Variants in IL18 observed in about 807,000 individuals in gnomAD.
IL18 encodes interleukin 18.
IL18 carries 8 observed loss-of-function variants against 14.2 expected under a neutral mutation model. The ratio of observed to expected loss-of-function variants is 0.56; its 90% confidence interval spans 0.33 to 1.01. The LOEUF is 1.01. Among genes scored for constraint, IL18 ranks in the 50% least tolerant of loss-of-function variants. The probability of loss-of-function intolerance (pLI) is 0.03; values close to 1 mark genes in which losing one functional copy is unlikely to be tolerated. For missense variants in IL18, 166 were observed against 231.1 expected, an observed-to-expected ratio of 0.72 and a Z score of 1.83; for synonymous variants, 67 against 71.0, an observed-to-expected ratio of 0.94 and a Z score of 0.28.
At chr11:112,149,364 G>A (rs1056991703) in intron 4 of IL18, among the ~76,000 whole-genome samples, 5 of 151,850 alleles carry the variant, frequency 3.3e-5, no homozygotes, top group East Asian at 2.0e-4. Context: ...ACTTTTTTGA[G>A]TATTTTAAAG....
At chr11:112,158,762 A>G (rs146562321) in intron 1 of IL18, among the ~76,000 whole-genome samples, 3 of 152,220 alleles carry the variant, frequency 2.0e-5, no homozygotes, top group African/African-American at 7.2e-5. Flanking sequence ...ATTTGACCTG[A>G]CAGCTTTGAA....
intron 3 of IL18, among the ~76,000 whole-genome samples, chr11:112,151,628 C>G (rs537003463): frequency 6.6e-6 from 1 of 152,294 alleles, no homozygotes; most frequent in South Asian, 2.1e-4. Flanking sequence ...TGTATCATTT[C>G]TTCACTTTCC....
At chr11:112,153,523 A>G in intron 3 of IL18, 69 bp downstream of exon 3, 2 of 1,097,306 alleles carry the variant, frequency 1.8e-6, no homozygotes, top group South Asian at 1.8e-5. Context: ...TCAGCTGACA[A>G]TGGTGAGATA....
intron 3 of IL18, among the ~76,000 whole-genome samples, chr11:112,151,727 A>G (rs1231402175): frequency 6.6e-6 from 1 of 152,160 alleles, no homozygotes; most frequent in African/African-American, 2.4e-5. Flanking sequence ...CTTGTTGCTA[A>G]ATCTAAAAGC....
intron 3 of IL18, among the ~76,000 whole-genome samples, chr11:112,152,304 T>C (rs1004352718): frequency 6.6e-6 from 1 of 152,140 alleles, no homozygotes; most frequent in African/African-American, 2.4e-5. Flanking sequence ...TTCTCTCAAG[T>C]GTTTCTAAAA....
chr11:112,148,587 TA>T lies in IL18; in HGVS notation c.360+15del. On this transcript the variant is annotated intron_variant, in intron 5 of 5. Transcript: ENST00000280357. ...TATATTAACATGATTGAAAACAAAG[TA>T]AGGCTCAGTCTTACCTTAAAGGAAA... 7.3e-7 allele frequency: 1 copy of T among 1,368,228 alleles called. No individual in the cohort carries two copies. The highest frequency in any genetic ancestry group is 1.6e-5 in the South Asian group (1 of 64,156). 84.8% of individuals were successfully genotyped at this position (1,368,228 alleles called of 1,614,324 possible).
chr11:112,143,570 C>T lies in IL18; in HGVS notation c.*26G>A. ...GGGCTGGGATTACAGGCGTGAGCCACTGCGCCCGGCATGAAATTTTAATAG... is the reference window on the plus strand; with the variant it reads ...GGGCTGGGATTACAGGCGTGAGCCATTGCGCCCGGCATGAAATTTTAATAG... On this transcript the variant is annotated 3_prime_UTR_variant, in exon 6 of 6. Coordinates refer to ENST00000280357, the MANE Select transcript of IL18 (RefSeq NM_001562.4). 6.6e-7 allele frequency: 1 copy of T among 1,522,700 alleles called. No individual in the cohort carries two copies. Among genetic ancestry groups the T allele is most frequent in the Non-Finnish European group, 9.0e-7 (1 of 1,107,900 alleles). 94.3% of individuals were successfully genotyped at this position (1,522,700 alleles called of 1,614,324 possible).
chr11:112,157,209 T>C (rs1467829443), intron 1 of IL18, among the ~76,000 whole-genome samples: 1 of 152,228 alleles, frequency 6.6e-6, no homozygotes, highest in African/African-American at 2.4e-5. Flanking sequence ...TAGTTATCAG[T>C]TGGTGAAATA....
At chr11:112,150,479 A>C in intron 3 of IL18, 1 of 271,356 alleles carries the variant, frequency 3.7e-6, no homozygotes, top group Admixed American at 5.0e-5. Context: ...TTACACTTTT[A>C]CTCCAACTCT....
At chr11:112,157,653 G>C (rs1344311124) in intron 1 of IL18, among the ~76,000 whole-genome samples, 2 of 152,188 alleles carry the variant, frequency 1.3e-5, no homozygotes, top group Non-Finnish European at 2.9e-5. Flanking sequence ...GTGCTACCTT[G>C]AAAGAGAAGC....
intron 1 of IL18, among the ~76,000 whole-genome samples, chr11:112,155,368 A>AATATAAAT (rs1301994280): frequency 1.3e-5 from 2 of 152,234 alleles, no homozygotes; most frequent in Non-Finnish European, 2.9e-5. Flanking sequence ...ATATATTGTC[A>AATATAAAT]ATATAAATAT....
At chr11:112,146,503 T>A (rs1866345588) in intron 5 of IL18, among the ~76,000 whole-genome samples, 1 of 152,166 alleles carries the variant, frequency 6.6e-6, no homozygotes, top group Non-Finnish European at 1.5e-5. Context: ...GTATTTTTTT[T>A]AGTAGAGACA....
Position 112,150,056 on chromosome 11 carries a change from G to A in IL18, c.226+16C>T, listed in dbSNP as rs750565917. The stretch of plus-strand genomic sequence containing the variant: ...AGTAGCTAGTCATTTCTATGTTTGC[G>A]AATTAAAAAAAATACCTCTACAGTC... On this transcript the variant is annotated intron_variant, in intron 4 of 5. Transcript: ENST00000280357. 40 of 1,587,572 alleles carry A rather than the reference G, an allele frequency of 2.5e-5. No individual in the cohort carries two copies. The highest frequency in any genetic ancestry group is 1.7e-4 in the Middle Eastern group (1 of 5,930).
intron 1 of IL18, among the ~76,000 whole-genome samples, chr11:112,157,552 A>C (rs138023104): frequency 3.3e-5 from 5 of 152,316 alleles, no homozygotes; most frequent in Non-Finnish European, 7.3e-5. Context: ...TTACAAAATA[A>C]TGTAATGAAT....
rs1381138292 is a variant in IL18, at chr11:112,154,976, T to C, written c.78A>G (p.Ile26Met). The C allele has an allele frequency of 6.3e-7, 1 of 1,591,724 alleles. No homozygotes were observed. The highest frequency in any genetic ancestry group is 1.7e-5 in the Admixed American group (1 of 59,928). The change falls in exon 2 of 6, where the codon ATA becomes ATG. Residue 26 changes from isoleucine (I) to methionine (M), a missense_variant and splice_region_variant. Transcript: ENST00000280357. ...MKFIDNTLYF[I>M]AEDDENLESD... ...TTTGTTCTATGGCATTAGCCTTACCTATAAAGTAAAGCGTATTGTCAATAA... is the reference window on the plus strand; with the variant it reads ...TTTGTTCTATGGCATTAGCCTTACCCATAAAGTAAAGCGTATTGTCAATAA...
intron 5 of IL18, among the ~76,000 whole-genome samples, chr11:112,146,033 CT>C (rs10708869): frequency 0.82 from 108,113 of 131,204 alleles, 44,567 homozygotes; most frequent in South Asian, 0.88. Context: ...GGATTTCTTT[CT>C]TTTTTTTTTT....
chr11:112,146,522 C>T (rs1396633518), intron 5 of IL18, among the ~76,000 whole-genome samples: 1 of 152,088 alleles, frequency 6.6e-6, no homozygotes, highest in East Asian at 1.9e-4. Context: ...CAGAGTATCG[C>T]CATGCTGGCC....
At chr11:112,159,873 C>G (rs1192653442) in intron 1 of IL18, among the ~76,000 whole-genome samples, 1 of 152,068 alleles carries the variant, frequency 6.6e-6, no homozygotes, top group Non-Finnish European at 1.5e-5. Context: ...AAGACAGTGA[C>G]TACAAACTAT....
chr11:112,143,567 C>A lies in IL18; in HGVS notation c.*29G>T, dbSNP rs1429875609. The A allele has an allele frequency of 4.0e-6, 6 of 1,483,724 alleles. No homozygotes were observed. Among genetic ancestry groups the A allele is most frequent in the Non-Finnish European group, 5.6e-6 (6 of 1,074,256 alleles). The allele number at this position is 1,483,724 out of a possible 1,614,324, so 91.9% of individuals were successfully genotyped here. ...AAAGGGCTGGGATTACAGGCGTGAG[C>A]CACTGCGCCCGGCATGAAATTTTAA... On this transcript the variant is annotated 3_prime_UTR_variant, in exon 6 of 6. Coordinates refer to ENST00000280357, the MANE Select transcript of IL18 (RefSeq NM_001562.4).
Sources: allele counts gnomAD v4.1 joint callset (sites outside exome capture counted in the v4.1 genomes callset), GRCh38; gene constraint gnomAD v4.1.1; transcripts MANE v1.5; gene names NCBI Gene and HGNC (gene_info 2026-07-23, HGNC 2026-07-21).